Variants in SLC37A1 observed in about 807,000 individuals in gnomAD.
SLC37A1 encodes solute carrier family 37 member 1.
A neutral mutation model predicts 75.3 loss-of-function variants in SLC37A1; 49 were observed. The ratio of observed to expected loss-of-function variants is 0.65; its 90% CI spans 0.52 to 0.83. The LOEUF (loss-of-function observed/expected upper bound fraction) is 0.83. Ranked by LOEUF, SLC37A1 falls within the 40% of genes least tolerant of loss-of-function variation. SLC37A1 has a pLI of 0.00. For missense variants in SLC37A1, 566 were observed against 695.0 expected, an observed-to-expected ratio of 0.81 and a Z score of 2.09; for synonymous variants, 268 against 292.1, an observed-to-expected ratio of 0.92 and a Z score of 0.84.
intron 9 of SLC37A1, among the ~76,000 whole-genome samples, chr21:42,549,445 C>T (rs2055502452): frequency 6.6e-6 from 1 of 152,188 alleles, no homozygotes; most frequent in Non-Finnish European, 1.5e-5. Flanking sequence ...CTACTGGTGC[C>T]CAGGTGTCCC....
chr21:42,571,680 T>C (rs1222241202), intron 17 of SLC37A1, among the ~76,000 whole-genome samples: 2 of 151,990 alleles, frequency 1.3e-5, no homozygotes, highest in Non-Finnish European at 1.5e-5. Context: ...ACCCCGACAT[T>C]GCCCACCCCT....
intron 2 of SLC37A1, among the ~76,000 whole-genome samples, 189 bp downstream of exon 2, chr21:42,518,699 T>G (rs916968332): frequency 2.0e-5 from 3 of 152,194 alleles, no homozygotes; most frequent in Non-Finnish European, 2.9e-5. Flanking sequence ...GTGTCCTTTG[T>G]CCTTGGTACT....
At chr21:42,522,994 G>A (rs2054690584) in intron 2 of SLC37A1, among the ~76,000 whole-genome samples, 1 of 152,234 alleles carries the variant, frequency 6.6e-6, no homozygotes, top group African/African-American at 2.4e-5. Context: ...TGACCATTGG[G>A]AACGCGGTGT....
intron 2 of SLC37A1, 75 bp from the exon 3 acceptor site, chr21:42,525,701 A>C: frequency 9.6e-7 from 1 of 1,037,318 alleles, no homozygotes; most frequent in Non-Finnish European, 1.5e-6. Flanking sequence ...AGAACGTTTC[A>C]GAACACAGTG....
At chr21:42,569,490 GCCGC>G (rs2056067161) in intron 17 of SLC37A1, among the ~76,000 whole-genome samples, 1 of 11,714 alleles carries the variant, frequency 8.5e-5, no homozygotes, top group Non-Finnish European at 2.1e-4. Flanking sequence ...GTGACCTCGT[GCCGC>G]ACTCCCTCGT....
chr21:42,566,340 G>A (rs1253675273), intron 15 of SLC37A1, among the ~76,000 whole-genome samples: 1 of 152,140 alleles, frequency 6.6e-6, no homozygotes, highest in African/African-American at 2.4e-5. Context: ...CAGGAGCCAG[G>A]GCAGGTGGCC....
intron 17 of SLC37A1, among the ~76,000 whole-genome samples, chr21:42,572,678 A>ACAC (rs1491130942): frequency 0.031 from 993 of 31,760 alleles, 28 homozygotes; most frequent in African/African-American, 0.091. Context: ...ACACACACAC[A>ACAC]AAAAAAAAAA....
chr21:42,534,939 T>C, intron 4 of SLC37A1, 109 bp downstream of exon 4: 4 of 1,407,498 alleles, frequency 2.8e-6, no homozygotes, highest in Non-Finnish European at 3.8e-6. Context: ...TGCATTTCCA[T>C]GACAGCCCTC....
chr21:42,507,913 T>G (rs1601648690), intron 2 of SLC37A1, among the ~76,000 whole-genome samples: 1 of 152,142 alleles, frequency 6.6e-6, no homozygotes, highest in African/African-American at 2.4e-5. Flanking sequence ...AGTTTCAACA[T>G]GAGATTTGGA....
chr21:42,521,221 C>G (rs1475947661), intron 2 of SLC37A1, among the ~76,000 whole-genome samples: 1 of 152,224 alleles, frequency 6.6e-6, no homozygotes, highest in Non-Finnish European at 1.5e-5. Context: ...AACTATGAGG[C>G]AGACAGCACT....
At chr21:42,543,202 C>T (rs2055325103) in intron 7 of SLC37A1, among the ~76,000 whole-genome samples, 3 of 152,360 alleles carry the variant, frequency 2.0e-5, no homozygotes, top group Admixed American at 2.0e-4. Context: ...TTCTTGAGTA[C>T]AGAATGCGCT....
intron 2 of SLC37A1, among the ~76,000 whole-genome samples, chr21:42,522,095 G>C (rs1373665440): frequency 1.3e-5 from 2 of 152,154 alleles, no homozygotes; most frequent in African/African-American, 4.8e-5. Context: ...TCCTGTCTCT[G>C]AGTCTTTGCG....
intron 13 of SLC37A1, 65 bp from the exon 14 acceptor site, chr21:42,564,643 C>T: frequency 7.5e-7 from 1 of 1,336,946 alleles, no homozygotes; most frequent in Non-Finnish European, 1.1e-6. Flanking sequence ...TCCTGCAGTT[C>T]TGCTTCCTCC....
intron 1 of SLC37A1, among the ~76,000 whole-genome samples, chr21:42,515,663 G>A (rs1181582720): frequency 6.6e-6 from 1 of 152,208 alleles, no homozygotes; most frequent in Non-Finnish European, 1.5e-5. Flanking sequence ...GTCTTTCAGA[G>A]TCTGTTTGTT....
intron 2 of SLC37A1, among the ~76,000 whole-genome samples, chr21:42,525,146 T>C (rs1039962146): frequency 6.6e-6 from 1 of 152,244 alleles, no homozygotes; most frequent in African/African-American, 2.4e-5. Flanking sequence ...CCGAGCTCCC[T>C]GCCCCATACC....
At chr21:42,507,148 G>T (rs1168084161) in intron 2 of SLC37A1, among the ~76,000 whole-genome samples, 1 of 152,204 alleles carries the variant, frequency 6.6e-6, no homozygotes, top group African/African-American at 2.4e-5. Flanking sequence ...CTCCGAAAGT[G>T]CTGGGATTAC....
chr21:42,542,395 C>G lies in SLC37A1; in HGVS notation c.487-9C>G. The G allele has an allele frequency of 6.2e-7, 1 of 1,613,560 alleles. No individual in the cohort carries two copies. Among genetic ancestry groups the G allele is most frequent in the Non-Finnish European group, 8.5e-7 (1 of 1,179,732 alleles). On this transcript the variant is annotated splice_polypyrimidine_tract_variant and intron_variant, in intron 6 of 19. Transcript: ENST00000352133. The stretch of plus-strand genomic sequence containing the variant: ...CACAGGTCAGTCTCTCCTTTGGCCT[C>G]TCCTGCAGGTCATCAACGGGCTGGT...
intron 17 of SLC37A1, among the ~76,000 whole-genome samples, chr21:42,572,396 T>G (rs1394043286): frequency 6.6e-6 from 1 of 152,104 alleles, no homozygotes; most frequent in Non-Finnish European, 1.5e-5. Flanking sequence ...TCTGATTTGT[T>G]TTTTCTTTCT....
chr21:42,541,738 A>G (rs570342854), intron 6 of SLC37A1, among the ~76,000 whole-genome samples: 1 of 152,218 alleles, frequency 6.6e-6, no homozygotes, highest in South Asian at 2.1e-4. Flanking sequence ...CTCTTTAAAA[A>G]GTTTGTATTT....
Sources: gnomAD v4.1 joint callset for allele counts (sites outside exome capture counted in the v4.1 genomes callset) on GRCh38, gnomAD v4.1.1 for gene constraint, MANE v1.5 for transcripts, NCBI Gene and HGNC (gene_info 2026-07-23, HGNC 2026-07-21) for gene names.